MRTFA: variants seen among roughly 807,000 people sequenced by gnomAD.
MRTFA encodes myocardin-related transcription factor A.
A neutral mutation model predicts 83.5 loss-of-function variants in MRTFA; 20 were observed. That is an observed-to-expected ratio of 0.24 (90% CI 0.17 to 0.35). MRTFA has a LOEUF of 0.35. Among genes scored for constraint, MRTFA ranks in the 10% least tolerant of loss-of-function variants. The pLI is 1.00. For synonymous variants in MRTFA, 659 were observed against 541.2 expected (o/e 1.22, Z -3.02); for missense variants, 1,200 against 1,224.7 (o/e 0.98, Z 0.30).
chr22:40,552,159 C>A lies in MRTFA; in HGVS notation c.188G>T (p.Gly63Val). Residue 63 changes from glycine (G) to valine (V), a missense_variant, in exon 3 of 15, where the codon GGC (glycine) becomes GTC (valine). Gly to Val is a moderately radical substitution (Grantham distance 109). Around this residue, in one of 2 missense-constraint regions of MRTFA, gnomAD observed 93 missense variants for 182.9 expected, o/e 0.51. Coordinates refer to ENST00000355630, the MANE Select transcript of MRTFA (RefSeq NM_020831.6). ...ATTGGGATTCCTGCCAGGGTGGAGG[C>A]CTAGGGTCAGCTCGGGCTGCAAGGA... 1 of 398,968 alleles carries A rather than the reference C, an allele frequency of 2.5e-6. No individual in the cohort carries two copies. Among genetic ancestry groups the A allele is most frequent in the Non-Finnish European group, 4.4e-6 (1 of 226,060 alleles). The allele number at this position is 398,968 out of a possible 1,614,324, so 24.7% of individuals were successfully genotyped here.
At chr22:40,512,725 G>A (rs1301225564) in intron 3 of MRTFA, among the ~76,000 whole-genome samples, 1 of 152,216 alleles carries the variant, frequency 6.6e-6, no homozygotes, top group African/African-American at 2.4e-5. Context: ...AGGTTTTGTG[G>A]AGCTGATGTA....
intron 2 of MRTFA, among the ~76,000 whole-genome samples, chr22:40,593,567 G>A (rs933777655): frequency 1.3e-5 from 2 of 152,132 alleles, no homozygotes; most frequent in Admixed American, 6.5e-5. Context: ...ACCACTAGAT[G>A]ATGACAAAGG....
At chr22:40,560,689 G>C (rs1270011369) in intron 2 of MRTFA, among the ~76,000 whole-genome samples, 3 of 152,090 alleles carry the variant, frequency 2.0e-5, no homozygotes, top group Non-Finnish European at 1.5e-5. Flanking sequence ...TTTCTGGGCT[G>C]CTGATTCACA....
intron 1 of MRTFA, among the ~76,000 whole-genome samples, chr22:40,603,371 C>T (rs1483403183): frequency 2.0e-5 from 3 of 152,164 alleles, no homozygotes; most frequent in Non-Finnish European, 4.4e-5. Flanking sequence ...ATCAGATCTC[C>T]AAATGGAAAA....
chr22:40,492,063 CGA>C (rs2147203672), intron 3 of MRTFA, among the ~76,000 whole-genome samples: 1 of 152,202 alleles, frequency 6.6e-6, no homozygotes, highest in African/African-American at 2.4e-5. Flanking sequence ...GGACAATCCA[CGA>C]GAGTGGCAGA....
chr22:40,418,074 CT>C (rs2052725453), intron 12 of MRTFA, among the ~76,000 whole-genome samples: 1 of 152,122 alleles, frequency 6.6e-6, no homozygotes, highest in African/African-American at 2.4e-5. Context: ...CAGAGCAGCA[CT>C]AGGGCAGGCC....
At chr22:40,459,854 TATATATATAC>T (rs2053677342) in intron 4 of MRTFA, among the ~76,000 whole-genome samples, 1 of 140,674 alleles carries the variant, frequency 7.1e-6, no homozygotes, top group Admixed American at 7.2e-5. Context: ...TATATATATA[TATATATATAC>T]ACACATGAAT....
rs2052742357 is a variant in MRTFA, at chr22:40,418,569, C to T, written c.2169G>A (p.Val723=). 6.4e-7 allele frequency: 1 copy of T among 1,561,064 alleles called. No homozygotes were observed. The highest frequency in any genetic ancestry group is 2.1e-5 in the Admixed American group (1 of 48,292). ...GCTCAGGCTGCAAGGCTTCCTGCTT[C>T]ACCACCACGGACGGGGGCCCCGGGG... The change falls in exon 12 of 15, where the codon GTG becomes GTA. Residue 723 remains valine, a synonymous_variant. Coordinates refer to ENST00000355630, the MANE Select transcript of MRTFA (RefSeq NM_020831.6).
chr22:40,566,541 A>AT (rs1038286660), intron 2 of MRTFA, among the ~76,000 whole-genome samples: 1 of 151,870 alleles, frequency 6.6e-6, no homozygotes, highest in African/African-American at 2.4e-5. Context: ...TTAAATAATC[A>AT]TTTTGAGGGC....
At chr22:40,451,736 G>A (rs1483548171) in intron 4 of MRTFA, among the ~76,000 whole-genome samples, 1 of 152,048 alleles carries the variant, frequency 6.6e-6, no homozygotes, top group Non-Finnish European at 1.5e-5. Context: ...TTTGACATAG[G>A]CCAGGCATGT....
intron 3 of MRTFA, among the ~76,000 whole-genome samples, chr22:40,470,911 T>C (rs2053899299): frequency 6.6e-6 from 1 of 151,714 alleles, no homozygotes; most frequent in Non-Finnish European, 1.5e-5. Flanking sequence ...ATTGTGCCAC[T>C]GCACTCCAGC....
intron 1 of MRTFA, among the ~76,000 whole-genome samples, chr22:40,612,523 G>A (rs540114123): frequency 6.6e-6 from 1 of 152,166 alleles, no homozygotes; most frequent in Admixed American, 6.5e-5. Flanking sequence ...TATTGACCTG[G>A]AGAGTACTTT....
chr22:40,582,490 C>A (rs1023846771), intron 2 of MRTFA, among the ~76,000 whole-genome samples: 2 of 152,104 alleles, frequency 1.3e-5, no homozygotes, highest in African/African-American at 4.8e-5. Flanking sequence ...GACTTTAACA[C>A]TAAGCAAATT....
intron 4 of MRTFA, 26 bp downstream of exon 4, chr22:40,463,195 A>T: frequency 6.2e-7 from 1 of 1,605,790 alleles, no homozygotes; most frequent in East Asian, 2.2e-5. Flanking sequence ...GCAATCTACC[A>T]AATGCTGAGA....
intron 11 of MRTFA, among the ~76,000 whole-genome samples, chr22:40,420,196 G>C (rs534931815): frequency 2.2e-4 from 34 of 152,222 alleles, no homozygotes; most frequent in African/African-American, 7.5e-4. Context: ...GAGGAAGCTG[G>C]TGTCATTCAC....
At chr22:40,625,595 T>C (rs913067888) in intron 1 of MRTFA, among the ~76,000 whole-genome samples, 1 of 152,068 alleles carries the variant, frequency 6.6e-6, no homozygotes. Flanking sequence ...CTGGCCAATA[T>C]GGTGAAACCC....
intron 3 of MRTFA, among the ~76,000 whole-genome samples, chr22:40,490,376 G>T (rs1472738070): frequency 6.6e-6 from 1 of 152,052 alleles, no homozygotes; most frequent in Non-Finnish European, 1.5e-5. Flanking sequence ...CAAGGCCGGC[G>T]GATCATGAGG....
intron 1 of MRTFA, among the ~76,000 whole-genome samples, chr22:40,606,108 T>C (rs528370637): frequency 1.2e-4 from 19 of 152,214 alleles, no homozygotes; most frequent in African/African-American, 4.6e-4. Context: ...GCAATTCTAA[T>C]ACTCCTATCC....
At chr22:40,501,805 G>A (rs2054482126) in intron 3 of MRTFA, among the ~76,000 whole-genome samples, 1 of 67,558 alleles carries the variant, frequency 1.5e-5, no homozygotes, top group Non-Finnish European at 3.0e-5. Context: ...CGGGTGGAGG[G>A]CTGACCCCCC....
Sources: allele counts gnomAD v4.1 joint callset (sites outside exome capture counted in the v4.1 genomes callset), GRCh38; gene constraint gnomAD v4.1.1; regional missense constraint gnomAD v4.1.1; transcripts MANE v1.5; gene names NCBI Gene and HGNC (gene_info 2026-07-23, HGNC 2026-07-21).